The following FN1 variants were observed in gnomAD, a reference collection of about 807,000 sequenced individuals.
FN1 encodes fibronectin.
In FN1, 106 loss-of-function variants were observed where a neutral mutation model predicts 297.3. The observed-to-expected ratio is 0.36, with a 90% CI of 0.30 to 0.42. The LOEUF (loss-of-function observed/expected upper bound fraction) is 0.42, where lower values mean the gene tolerates loss of function less well. Among genes scored for constraint, FN1 ranks in the 10% least tolerant of loss-of-function variants. The pLI is 1.00. For missense variants in FN1, 2,690 were observed against 3,124.9 expected (o/e 0.86, Z 3.32); for synonymous variants, 1,149 against 1,152.6 (o/e 1.00, Z 0.06).
intron 24 of FN1, 134 bp from the exon 25 acceptor site, chr2:215,393,337 G>A: frequency 2.5e-6 from 2 of 799,092 alleles, no homozygotes; most frequent in Non-Finnish European, 3.9e-6. Context: ...ATGGTAATAT[G>A]CAATCTGTTT....
At chr2:215,406,718 G>A (rs2061820303) in intron 18 of FN1, among the ~76,000 whole-genome samples, 1 of 152,182 alleles carries the variant, frequency 6.6e-6, no homozygotes, top group African/African-American at 2.4e-5. Flanking sequence ...TAGGTAATAA[G>A]TGAGTTACCA....
intron 13 of FN1, among the ~76,000 whole-genome samples, chr2:215,411,319 G>A (rs13021377): frequency 0.65 from 98,448 of 152,066 alleles, 32,823 homozygotes; most frequent in East Asian, 1. Context: ...TATATTTTTT[G>A]TGCCCAGTGA....
intron 7 of FN1, among the ~76,000 whole-genome samples, chr2:215,424,806 T>C (rs1486408896): frequency 6.6e-6 from 1 of 152,226 alleles, no homozygotes. Flanking sequence ...ATTTGAGATT[T>C]AGAATATAAA....
rs1350877557 is a variant in FN1, at chr2:215,371,950, T to C, written c.6673A>G (p.Ile2225Val). Residue 2225 changes from isoleucine (I) to valine (V), a missense_variant, in exon 40 of 46, where the codon ATT becomes GTT. This residue lies in a region of FN1 where 1,743 missense variants were observed against 1,945.2 expected (regional missense o/e 0.90). Transcript: ENST00000354785. ...TCAGTGCCAACAGGATGACATGAAA[T>C]GATGTACTCAGAAGTGTCCTGGAAT... ...APFQDTSEYI[I>V]SCHPVGTDEE... The C allele has an allele frequency of 1.2e-6, 2 of 1,614,150 alleles. No homozygotes were observed. The highest frequency in any genetic ancestry group is 2.7e-5 in the African/African-American group (2 of 75,028).
At chr2:215,390,047 G>A (rs959834516) in intron 26 of FN1, among the ~76,000 whole-genome samples, 4 of 152,168 alleles carry the variant, frequency 2.6e-5, no homozygotes, top group South Asian at 2.1e-4. Context: ...GCCCTTCAGC[G>A]TTTCTATAAA....
chr2:215,398,739 T>C (rs112761709), intron 21 of FN1, among the ~76,000 whole-genome samples: 88 of 152,350 alleles, frequency 5.8e-4, no homozygotes, highest in Middle Eastern at 6.8e-3. Flanking sequence ...ATCATTACTT[T>C]AAAGAAGATG....
chr2:215,416,409 T>C (rs1210642209), intron 12 of FN1, among the ~76,000 whole-genome samples: 1 of 152,180 alleles, frequency 6.6e-6, no homozygotes, highest in African/African-American at 2.4e-5. Context: ...TATCTTTGAA[T>C]TACCCCTTCT....
Position 215,394,691 on chromosome 2 carries a change from G to A in FN1, c.3633C>T (p.Thr1211=). The A allele has an allele frequency of 6.2e-7, 1 of 1,614,016 alleles. No individual in the cohort carries two copies. Among genetic ancestry groups the A allele is most frequent in the African/African-American group, 1.3e-5 (1 of 75,006 alleles). The stretch of plus-strand genomic sequence containing the variant: ...AATTTCCCTGCTGGCCGTTTGTAGG[G>A]GTTGTGGTAATTCTATAACCAGTAA... ...PDITGYRITT[T]PTNGQQGNSL... The change falls in exon 24 of 46, where the codon ACC becomes ACT. Residue 1211 remains threonine (T), a synonymous_variant. Transcript: ENST00000354785.
At chr2:215,376,397 G>T in intron 36 of FN1, 101 bp downstream of exon 36, 2 of 1,111,370 alleles carry the variant, frequency 1.8e-6, no homozygotes, top group Non-Finnish European at 2.7e-6. Flanking sequence ...TGATAACACT[G>T]AAAATAAATT....
intron 29 of FN1, 140 bp from the exon 30 acceptor site, chr2:215,384,324 CAGAAAGGGGTATTTATGCATGT>C: frequency 1.3e-6 from 1 of 790,552 alleles, no homozygotes; most frequent in Non-Finnish European, 2.1e-6. Flanking sequence ...CTATCTTGAA[CAGAAAGGGGTATTTATGCATGT>C]AGCAAACCTT....
chr2:215,377,800 TCC>T (rs1225596154), intron 35 of FN1, among the ~76,000 whole-genome samples: 1 of 152,190 alleles, frequency 6.6e-6, no homozygotes, highest in Non-Finnish European at 1.5e-5. Context: ...TCAGTCATAG[TCC>T]ATAATATCAA....
In FN1 at chr2:215,398,011, G is replaced by A. The variant is rs2060510838; in HGVS notation, c.3349-163C>T. On this transcript the variant is annotated intron_variant, in intron 21 of 45. Coordinates refer to ENST00000354785, the MANE Select transcript of FN1 (RefSeq NM_212482.4). ...GGGGACTCTTTTATATACTTTAGCT[G>A]GAAATTCCCCCAGGTGGGGGAGGTA... Among the ~76,000 whole-genome samples, 3 of 152,222 alleles carry A rather than the reference G, an allele frequency of 2.0e-5. No individual in the cohort carries two copies. The South Asian group carries it at 6.2e-4, about 32-fold the overall frequency.
At chr2:215,410,210 C>T (rs1316404924) in intron 13 of FN1, 96 bp from the exon 14 acceptor site, 4 of 1,311,872 alleles carry the variant, frequency 3.0e-6, no homozygotes, top group African/African-American at 1.5e-5. Context: ...AGAAAAATGA[C>T]TTAAGCAGGA....
intron 27 of FN1, 54 bp downstream of exon 27, chr2:215,388,158 T>C (rs1040215316): frequency 8.0e-7 from 1 of 1,248,674 alleles, no homozygotes; most frequent in Non-Finnish European, 1.2e-6. Context: ...TCATTTGTTA[T>C]ACAGAATTGA....
chr2:215,362,189 T>C, intron 44 of FN1, 110 bp from the exon 45 acceptor site: 1 of 755,550 alleles, frequency 1.3e-6, no homozygotes, highest in Non-Finnish European at 2.3e-6. Flanking sequence ...TGGCAAAATA[T>C]AAGCAGTTAA....
At chr2:215,386,594 TGAGA>T in intron 28 of FN1, 91 bp downstream of exon 28, 2 of 311,168 alleles carry the variant, frequency 6.4e-6, no homozygotes, top group Non-Finnish European at 1.1e-5. Context: ...TTTTTTTTTT[TGAGA>T]GCTGATGACA....
rs1206483299 is a variant in FN1, at chr2:215,375,677, A to G, written c.5929T>C (p.Leu1977=). 1.2e-6 allele frequency: 2 copies of G among 1,613,536 alleles called. No homozygotes were observed. The highest frequency in any genetic ancestry group is 1.7e-6 in the Non-Finnish European group (2 of 1,179,432). The change falls in exon 37 of 46, where the codon TTG becomes CTG. Residue 1977 remains leucine, a synonymous_variant. Transcript: ENST00000354785. The part of the protein sequence containing the change: ...GTDYKIYLYT[L]NDNARSSPVV... The stretch of plus-strand genomic sequence containing the variant: ...GGGGAGCTCCGAGCATTGTCATTCA[A>G]GGTGTACAGGTAGATCTTGTAGTCA...
At chr2:215,379,368 A>G in intron 33 of FN1, 51 bp from the exon 34 acceptor site, 2 of 1,532,204 alleles carry the variant, frequency 1.3e-6, no homozygotes, top group Non-Finnish European at 1.8e-6. Context: ...ATGGGGGAAA[A>G]GGAAAATAAA....
chr2:215,435,749 C>A lies in FN1; in HGVS notation c.54G>T (p.Gly18=). ...GLLLLAVQCL[G]TAVPSTGASK... is the part of the protein sequence containing the mutation. Reference sequence around the variant, plus strand: ...AGGCTCCCGTGGAGGGCACCGCTGTCCCCAGGCACTGGACGGCCAGCAGCA... The same window carrying A: ...AGGCTCCCGTGGAGGGCACCGCTGTACCCAGGCACTGGACGGCCAGCAGCA... The change falls in exon 1 of 46, where the codon GGG becomes GGT. Residue 18 remains glycine, a synonymous_variant. Coordinates refer to ENST00000354785, the MANE Select transcript of FN1 (RefSeq NM_212482.4). 1 of 1,602,752 alleles carries A rather than the reference C, an allele frequency of 6.2e-7. No individual in the cohort carries two copies. The highest frequency in any genetic ancestry group is 8.5e-7 in the Non-Finnish European group (1 of 1,175,508).
Sources: gnomAD v4.1 joint callset for allele counts (sites outside exome capture counted in the v4.1 genomes callset) on GRCh38, gnomAD v4.1.1 for gene constraint, gnomAD v4.1.1 regional missense constraint, MANE v1.5 for transcripts, NCBI Gene and HGNC (gene_info 2026-07-23, HGNC 2026-07-21) for gene names.